RAD51B: variants seen among roughly 807,000 people sequenced by gnomAD.
The protein encoded by RAD51B is DNA repair protein RAD51 homolog 2.
A neutral mutation model predicts 42.2 loss-of-function variants in RAD51B; 38 were observed. That is an observed-to-expected ratio of 0.90 (90% CI 0.70 to 1.18). RAD51B has a LOEUF of 1.18. Ranked by LOEUF, RAD51B falls within the 50% of genes most tolerant of loss-of-function variation. The pLI, the probability that RAD51B is intolerant of heterozygous loss-of-function variation, is 0.00. For synonymous variants in RAD51B, 154 were observed against 145.2 expected (o/e 1.06, Z -0.43); for missense variants, 373 against 400.7 (o/e 0.93, Z 0.59).
At chr14:67,956,907 G>A (rs1595164592) in intron 7 of RAD51B, among the ~76,000 whole-genome samples, 1 of 152,232 alleles carries the variant, frequency 6.6e-6, no homozygotes, top group South Asian at 2.1e-4. Flanking sequence ...CTTCTGTTGG[G>A]TAGTGCAGCT....
intron 7 of RAD51B, among the ~76,000 whole-genome samples, chr14:68,205,859 G>A (rs1053657374): frequency 3.3e-5 from 5 of 152,048 alleles, no homozygotes; most frequent in Non-Finnish European, 1.5e-5. Context: ...CAAGAAAGGG[G>A]ATATTCTGTT....
intron 10 of RAD51B, among the ~76,000 whole-genome samples, chr14:68,593,275 G>T (rs1890838044): frequency 6.6e-6 from 1 of 152,194 alleles, no homozygotes; most frequent in Non-Finnish European, 1.5e-5. Flanking sequence ...AATCATAACT[G>T]CCCACCTCAT....
chr14:68,144,292 CT>C (rs2078204684), intron 7 of RAD51B, among the ~76,000 whole-genome samples: 2 of 152,166 alleles, frequency 1.3e-5, no homozygotes, highest in Admixed American at 1.3e-4. Flanking sequence ...CAGAGCTTGT[CT>C]GCATATGTCT....
intron 8 of RAD51B, chr14:68,387,074 CAA>C (rs2083610237): frequency 6.6e-6 from 1 of 152,202 alleles, no homozygotes; most frequent in South Asian, 2.1e-4. Context: ...TTTCCCTCTG[CAA>C]TGTTAAACTA....
chr14:68,243,373 G>T (rs1362378262), intron 7 of RAD51B, among the ~76,000 whole-genome samples: 1 of 152,046 alleles, frequency 6.6e-6, no homozygotes, highest in African/African-American at 2.4e-5. Context: ...ACAACTTTCT[G>T]CATGTTAATA....
intron 10 of RAD51B, among the ~76,000 whole-genome samples, chr14:68,570,062 C>T (rs1049904654): frequency 6.6e-6 from 1 of 152,240 alleles, no homozygotes; most frequent in Non-Finnish European, 1.5e-5. Context: ...TTGTAGCTGA[C>T]GGACATTGTT....
chr14:68,664,263 T>C (rs2052982370), intron 11 of RAD51B, among the ~76,000 whole-genome samples: 2 of 152,172 alleles, frequency 1.3e-5, no homozygotes, highest in Admixed American at 1.3e-4. Flanking sequence ...CTATCTCTTT[T>C]CTACATAATC....
intron 5 of RAD51B, among the ~76,000 whole-genome samples, chr14:67,866,674 T>A (rs539618309): frequency 9.8e-5 from 15 of 152,378 alleles, no homozygotes; most frequent in African/African-American, 3.6e-4. Context: ...TATCAATGAA[T>A]TGGGTGATAT....
At chr14:67,971,148 T>G (rs2074891161) in intron 7 of RAD51B, among the ~76,000 whole-genome samples, 2 of 152,164 alleles carry the variant, frequency 1.3e-5, no homozygotes, top group African/African-American at 4.8e-5. Flanking sequence ...TAAATTGCTC[T>G]GGAGTGCTTC....
intron 7 of RAD51B, among the ~76,000 whole-genome samples, chr14:68,228,195 CTCCT>C (rs1422123459): frequency 6.6e-6 from 1 of 152,146 alleles, no homozygotes; most frequent in Non-Finnish European, 1.5e-5. Context: ...ATCACTATAA[CTCCT>C]TCCTTACCAT....
At chr14:68,213,462 T>A (rs2140948897) in intron 7 of RAD51B, among the ~76,000 whole-genome samples, 1 of 152,292 alleles carries the variant, frequency 6.6e-6, no homozygotes, top group East Asian at 1.9e-4. Context: ...TGAGTCAGAA[T>A]TTTACACAGA....
At chr14:68,681,941 C>T (rs1034686866) in intron 11 of RAD51B, among the ~76,000 whole-genome samples, 11 of 152,126 alleles carry the variant, frequency 7.2e-5, no homozygotes, top group African/African-American at 2.7e-4. Context: ...TAAAAGATTA[C>T]ACCTTGGGCA....
intron 7 of RAD51B, among the ~76,000 whole-genome samples, chr14:67,897,923 A>G (rs1192442398): frequency 6.6e-6 from 1 of 152,176 alleles, no homozygotes; most frequent in African/African-American, 2.4e-5. Context: ...AAGTGCTGGG[A>G]TTATAGGCAT....
At chr14:67,864,062 A>AG (rs1442383622) in intron 4 of RAD51B, among the ~76,000 whole-genome samples, 1 of 152,144 alleles carries the variant, frequency 6.6e-6, no homozygotes, top group African/African-American at 2.4e-5. Context: ...AGAGAGAGAA[A>AG]GAGAAAGTGC....
intron 10 of RAD51B, among the ~76,000 whole-genome samples, chr14:68,570,288 G>A (rs988472400): frequency 6.6e-6 from 1 of 152,168 alleles, no homozygotes; most frequent in Admixed American, 6.5e-5. Context: ...ACCTGGGTCA[G>A]GGGAGCCTGC....
chr14:67,967,100 A>T (rs916681148), intron 7 of RAD51B, among the ~76,000 whole-genome samples: 4 of 152,228 alleles, frequency 2.6e-5, no homozygotes, highest in Non-Finnish European at 4.4e-5. Context: ...AGCAAGAGGA[A>T]AAATGAGGAG....
At chr14:68,266,224 C>G (rs1418475975) in intron 7 of RAD51B, among the ~76,000 whole-genome samples, 2 of 152,158 alleles carry the variant, frequency 1.3e-5, no homozygotes, top group Non-Finnish European at 2.9e-5. Context: ...AAGCAAAAAG[C>G]ATAACAAATT....
chr14:67,893,516 A>AACAAAAC (rs1555411764), intron 7 of RAD51B, among the ~76,000 whole-genome samples: 3 of 102,840 alleles, frequency 2.9e-5, no homozygotes, highest in Non-Finnish European at 4.4e-5. Flanking sequence ...ACACAAAAAA[A>AACAAAAC]AACAATTAGC....
At chr14:68,443,595 AC>A (rs1351021247) in intron 9 of RAD51B, among the ~76,000 whole-genome samples, 1 of 152,164 alleles carries the variant, frequency 6.6e-6, no homozygotes, top group Non-Finnish European at 1.5e-5. Flanking sequence ...ATTCCCTATC[AC>A]ATTTCTTTCC....
Sources: allele counts gnomAD v4.1 joint callset (sites outside exome capture counted in the v4.1 genomes callset), GRCh38; gene constraint gnomAD v4.1.1; transcripts MANE v1.5; gene names NCBI Gene and HGNC (gene_info 2026-07-23, HGNC 2026-07-21).